The following JAKMIP2 variants were observed in gnomAD, a reference collection of about 807,000 sequenced individuals.
JAKMIP2 encodes the protein janus kinase and microtubule interacting protein 2.
JAKMIP2 carries 25 observed loss-of-function variants against 115.0 expected under a neutral mutation model. The observed-to-expected ratio is 0.22, with a 90% CI of 0.16 to 0.30. The LOEUF is 0.30. Ranked by LOEUF, JAKMIP2 falls within the 10% of genes least tolerant of loss-of-function variation. The pLI, the probability that JAKMIP2 is intolerant of heterozygous loss-of-function variation, is 1.00. For missense variants in JAKMIP2, 642 were observed against 957.6 expected (o/e 0.67, Z 4.35); for synonymous variants, 334 against 343.6 (o/e 0.97, Z 0.31).
rs755151952 is a variant in JAKMIP2 at position 147,629,766 on chromosome 5, C to T, written c.1876-20G>A. 3.1e-6 allele frequency: 5 copies of T among 1,608,128 alleles called. No homozygotes were observed. The highest frequency in any genetic ancestry group is 3.4e-5 in the Admixed American group (2 of 59,632). On this transcript the variant is annotated intron_variant, in intron 14 of 21. Coordinates refer to ENST00000616793, the MANE Select transcript of JAKMIP2 (RefSeq NM_001270941.2). ...CACATCCTGCAAAATCAAGCAGAAA[C>T]TCATGTCAAAGACAAATGTGGCCTC...
At chr5:147,730,156 C>T (rs1352882521) in intron 1 of JAKMIP2, among the ~76,000 whole-genome samples, 1 of 152,168 alleles carries the variant, frequency 6.6e-6, no homozygotes, top group East Asian at 1.9e-4. Context: ...AATACACTTA[C>T]ATTTGTTTAA....
chr5:147,618,063 C>A lies in JAKMIP2; in HGVS notation c.2194G>T (p.Val732Phe). ...CTTAATAATTCACCAAACTTGATAACAGTTTCTTGCTGTAGAGCATTGTAC... is the reference window on the plus strand; with the variant it reads ...CTTAATAATTCACCAAACTTGATAAAAGTTTCTTGCTGTAGAGCATTGTAC... ...TLYNALQQET[V>F]IKFGELLSEK... Residue 732 changes from valine to phenylalanine, a missense_variant, in exon 19 of 22, where the codon GTT becomes TTT. Coordinates refer to ENST00000616793, the MANE Select transcript of JAKMIP2 (RefSeq NM_001270941.2). The A allele has an allele frequency of 6.2e-7, 1 of 1,614,122 alleles. No individual in the cohort carries two copies. Among genetic ancestry groups the A allele is most frequent in the Non-Finnish European group, 8.5e-7 (1 of 1,179,944 alleles).
chr5:147,695,681 A>T (rs992137837), intron 1 of JAKMIP2, among the ~76,000 whole-genome samples: 37 of 132,528 alleles, frequency 2.8e-4, no homozygotes, highest in African/African-American at 8.0e-4. Flanking sequence ...TGTGTGTGAG[A>T]GAGAGAGACA....
intron 21 of JAKMIP2, among the ~76,000 whole-genome samples, chr5:147,594,991 C>T (rs1755296619): frequency 6.6e-6 from 1 of 151,950 alleles, no homozygotes; most frequent in African/African-American, 2.4e-5. Flanking sequence ...TGGGTATCAA[C>T]CATTTAATGG....
chr5:147,773,910 T>C (rs763495019), intron 1 of JAKMIP2, among the ~76,000 whole-genome samples: 1 of 152,084 alleles, frequency 6.6e-6, no homozygotes, highest in African/African-American at 2.4e-5. Context: ...CTATGTGAAA[T>C]TGATTGGGGG....
At chr5:147,628,422 C>A (rs1338139250) in intron 16 of JAKMIP2, among the ~76,000 whole-genome samples, 2 of 152,146 alleles carry the variant, frequency 1.3e-5, no homozygotes, top group Non-Finnish European at 2.9e-5. Context: ...TCCAGTTTAT[C>A]ATCGCCCCGC....
At chr5:147,677,329 G>C (rs546500132) in intron 1 of JAKMIP2, among the ~76,000 whole-genome samples, 63 of 152,312 alleles carry the variant, frequency 4.1e-4, no homozygotes, top group African/African-American at 1.4e-3. Flanking sequence ...CTGTCTTCAA[G>C]ATGCTTAAAT....
intron 1 of JAKMIP2, among the ~76,000 whole-genome samples, chr5:147,766,684 A>G (rs950367796): frequency 6.6e-6 from 1 of 152,136 alleles, no homozygotes; most frequent in Non-Finnish European, 1.5e-5. Context: ...GAGATGGGAG[A>G]GAAGGAAAAA....
rs115749338 is a variant in JAKMIP2 at position 147,711,649 on chromosome 5, G to A, written c.-148-39695C>T. 1.0e-3 allele frequency among the ~76,000 whole-genome samples: 157 copies of A among 152,254 alleles called. 1 individual carries two copies. Among genetic ancestry groups the A allele is most frequent in the African/African-American group, 3.6e-3 (149 of 41,554 alleles). The stretch of plus-strand genomic sequence containing the variant: ...AATGAAGCAACGAGTGTAAATCATA[G>A]TGTGTAACCCATAGTAATTGTTGTT... On this transcript the variant is annotated intron_variant, in intron 1 of 21. Coordinates refer to ENST00000616793, the MANE Select transcript of JAKMIP2 (RefSeq NM_001270941.2).
chr5:147,651,823 T>A (rs1758408627), intron 3 of JAKMIP2, among the ~76,000 whole-genome samples: 1 of 152,208 alleles, frequency 6.6e-6, no homozygotes, highest in African/African-American at 2.4e-5. Context: ...TAATTGGGAA[T>A]AATAGCATTG....
At chr5:147,644,013 T>C (rs759600477) in intron 7 of JAKMIP2, 45 bp downstream of exon 7, 2 of 1,464,882 alleles carry the variant, frequency 1.4e-6, no homozygotes, top group Non-Finnish European at 1.8e-6. Flanking sequence ...GTTGGCTACT[T>C]GTCCTTGGGA....
intron 19 of JAKMIP2, among the ~76,000 whole-genome samples, chr5:147,615,230 C>A (rs1394358148): frequency 2.6e-5 from 4 of 152,148 alleles, no homozygotes; most frequent in African/African-American, 9.7e-5. Flanking sequence ...ATGTAGATAT[C>A]TTGAGCAGTA....
At chr5:147,614,490 C>G (rs1229556200) in intron 19 of JAKMIP2, among the ~76,000 whole-genome samples, 1 of 152,190 alleles carries the variant, frequency 6.6e-6, no homozygotes, top group East Asian at 1.9e-4. Flanking sequence ...CTACCTACTT[C>G]TTTTTATCTC....
At chr5:147,676,359 G>A (rs1456155501) in intron 1 of JAKMIP2, among the ~76,000 whole-genome samples, 1 of 152,056 alleles carries the variant, frequency 6.6e-6, no homozygotes, top group Non-Finnish European at 1.5e-5. Context: ...AAATAAAAGA[G>A]CGTGCCTGAA....
chr5:147,661,250 C>T lies in JAKMIP2; in HGVS notation c.325G>A (p.Gly109Arg). ...GCAGACTTGAGCCTCTGGATCTCTC[C>T]ATCACGTACCTTCACCGTCCTTGAC... ...EMSRTVKVRD[G>R]EIQRLKSALC... Residue 109 changes from glycine to arginine, a missense_variant, in exon 3 of 22, where the codon GGA becomes AGA. Physicochemically the swap from Gly to Arg is moderately radical, Grantham distance 125. Transcript: ENST00000616793. 6.2e-7 allele frequency: 1 copy of T among 1,613,948 alleles called. No individual in the cohort carries two copies. Among genetic ancestry groups the T allele is most frequent in the Non-Finnish European group, 8.5e-7 (1 of 1,179,994 alleles).
intron 2 of JAKMIP2, among the ~76,000 whole-genome samples, chr5:147,662,206 C>A (rs567151460): frequency 6.8e-6 from 1 of 147,278 alleles, no homozygotes; most frequent in African/African-American, 2.7e-5. Context: ...CCACCACCAA[C>A]AACAAAACTG....
chr5:147,721,583 C>T lies in JAKMIP2; in HGVS notation c.-148-49629G>A, dbSNP rs1303882164. ...GTTTTTTAAGCCCGTCGGAAAAGCGCAGTATTCGGGTGGGAGTGACCCGAT... is the reference window on the plus strand; with the variant it reads ...GTTTTTTAAGCCCGTCGGAAAAGCGTAGTATTCGGGTGGGAGTGACCCGAT... On this transcript the variant is annotated intron_variant, in intron 1 of 21. Coordinates refer to ENST00000616793, the MANE Select transcript of JAKMIP2 (RefSeq NM_001270941.2). Among the ~76,000 whole-genome samples, 3 of 152,334 alleles carry T rather than the reference C, an allele frequency of 2.0e-5. No individual in the cohort carries two copies. In the South Asian group the frequency reaches 6.2e-4, roughly 32 times the overall value.
chr5:147,623,531 G>A, intron 17 of JAKMIP2, 90 bp downstream of exon 17: 1 of 748,870 alleles, frequency 1.3e-6, no homozygotes, highest in Non-Finnish European at 2.3e-6. Context: ...ACTTTCATCA[G>A]TGCCAGATAA....
chr5:147,716,462 C>T (rs1423135395), intron 1 of JAKMIP2, among the ~76,000 whole-genome samples: 17 of 149,696 alleles, frequency 1.1e-4, no homozygotes, highest in African/African-American at 3.7e-4. Flanking sequence ...GTCCCACCAA[C>T]AGTGTAAAAG....
Sources: allele counts gnomAD v4.1 joint callset (sites outside exome capture counted in the v4.1 genomes callset), GRCh38; gene constraint gnomAD v4.1.1; transcripts MANE v1.5; gene names NCBI Gene and HGNC (gene_info 2026-07-23, HGNC 2026-07-21).